Variants in CNTN4 observed in about 807,000 individuals in gnomAD.
The protein encoded by CNTN4 is contactin-4.
CNTN4 carries 77 observed loss-of-function variants against 122.5 expected under a neutral mutation model. The observed-to-expected ratio is 0.63, with a 90% CI of 0.52 to 0.76. CNTN4 has a LOEUF of 0.76. Among genes scored for constraint, CNTN4 ranks in the 30% least tolerant of loss-of-function variants. The probability of loss-of-function intolerance (pLI) is 0.00; values close to 1 mark genes in which losing one functional copy is unlikely to be tolerated. For synonymous variants in CNTN4, 512 were observed against 447.0 expected, an observed-to-expected ratio of 1.15 and a Z score of -1.83; for missense variants, 1,256 against 1,259.1, an observed-to-expected ratio of 1.00 and a Z score of 0.04.
intron 2 of CNTN4, among the ~76,000 whole-genome samples, chr3:2,117,435 T>C (rs1464745604): frequency 6.6e-6 from 1 of 152,182 alleles, no homozygotes; most frequent in Non-Finnish European, 1.5e-5. Flanking sequence ...TCCTTCTGCA[T>C]TTTTCTGGGA....
At chr3:2,301,702 G>A (rs1470496103) in intron 2 of CNTN4, among the ~76,000 whole-genome samples, 3 of 152,208 alleles carry the variant, frequency 2.0e-5, no homozygotes, top group African/African-American at 7.2e-5. Flanking sequence ...ACAGCAGTGT[G>A]AAGTCTGAGT....
Position 3,056,372 on chromosome 3 carries a change from A to T in CNTN4, c.*152A>T. The T allele has an allele frequency of 1.5e-6, 1 of 646,622 alleles. No individual in the cohort carries two copies. The highest frequency in any genetic ancestry group is 2.3e-5 in the Admixed American group (1 of 43,230). 40.1% of individuals were successfully genotyped at this position (646,622 alleles called of 1,614,324 possible). Reference sequence around the variant, plus strand: ...TGCTTCTTTAGGAATGGCATTATACAGTACTTCCTCAAAGCAAATCTAGCT... The same window carrying T: ...TGCTTCTTTAGGAATGGCATTATACTGTACTTCCTCAAAGCAAATCTAGCT... On this transcript the variant is annotated 3_prime_UTR_variant, in exon 25 of 25. Transcript: ENST00000418658.
chr3:2,860,534 C>A (rs1250080962), intron 7 of CNTN4, among the ~76,000 whole-genome samples: 1 of 152,150 alleles, frequency 6.6e-6, no homozygotes, highest in African/African-American at 2.4e-5. Flanking sequence ...GCAACCTAAG[C>A]TGCAAAGGGT....
chr3:2,269,614 C>A (rs79346805), intron 2 of CNTN4, among the ~76,000 whole-genome samples: 1 of 151,928 alleles, frequency 6.6e-6, no homozygotes, highest in Non-Finnish European at 1.5e-5. Flanking sequence ...GTTTGGGAGA[C>A]CATGATACAA....
intron 2 of CNTN4, among the ~76,000 whole-genome samples, chr3:2,219,489 C>T (rs1170975609): frequency 7.9e-5 from 12 of 152,208 alleles, no homozygotes; most frequent in Admixed American, 4.6e-4. Context: ...CAGGCCATTG[C>T]ATCCTTTTCC....
intron 2 of CNTN4, among the ~76,000 whole-genome samples, chr3:2,192,793 C>T (rs2149346992): frequency 6.6e-6 from 1 of 152,252 alleles, no homozygotes; most frequent in East Asian, 1.9e-4. Context: ...TCTAACTTTA[C>T]ACCAAAACCA....
intron 6 of CNTN4, among the ~76,000 whole-genome samples, chr3:2,769,232 G>C (rs1021633384): frequency 2.0e-5 from 3 of 152,092 alleles, no homozygotes; most frequent in African/African-American, 7.2e-5. Context: ...GGGAGGCCGA[G>C]GCGGGCAGAT....
chr3:3,048,786 G>T (rs1473075868), intron 23 of CNTN4, among the ~76,000 whole-genome samples: 3 of 152,144 alleles, frequency 2.0e-5, no homozygotes, highest in African/African-American at 4.8e-5. Context: ...ATGTTGGGGT[G>T]TGGGTTTATT....
At chr3:3,009,584 C>T (rs1369156294) in intron 14 of CNTN4, among the ~76,000 whole-genome samples, 2 of 85,202 alleles carry the variant, frequency 2.3e-5, no homozygotes, top group African/African-American at 8.5e-5. Flanking sequence ...CAGGCGCCCG[C>T]CACCACGCCC....
At chr3:2,182,380 A>G (rs558113054) in intron 2 of CNTN4, among the ~76,000 whole-genome samples, 1 of 152,242 alleles carries the variant, frequency 6.6e-6, no homozygotes, top group South Asian at 2.1e-4. Flanking sequence ...GAGATGATAT[A>G]AAGTTGTTGA....
At chr3:2,987,881 ATAAATATGCT>A (rs1694721594) in intron 13 of CNTN4, among the ~76,000 whole-genome samples, 1 of 152,230 alleles carries the variant, frequency 6.6e-6, no homozygotes, top group Admixed American at 6.5e-5. Flanking sequence ...TATTTCAGAA[ATAAATATGCT>A]TAATAATACC....
chr3:2,787,639 A>G (rs1042999484), intron 6 of CNTN4, among the ~76,000 whole-genome samples: 2 of 152,174 alleles, frequency 1.3e-5, no homozygotes, highest in Non-Finnish European at 2.9e-5. Context: ...CTTACCAGCT[A>G]TTTAACCACA....
rs527800941 is a variant in CNTN4, at chr3:2,571,347, G to C, written c.-88-69G>C. The C allele has an allele frequency of 9.4e-5, 63 of 670,858 alleles. No individual in the cohort carries two copies. In the East Asian group the frequency reaches 1.6e-3, roughly 17 times the overall value. The allele number at this position is 670,858 out of a possible 1,614,324, so 41.6% of individuals were successfully genotyped here. ...TGAGTTTTATTGATATTTGAGTAAAGATAAACTTGCAGAGACCACAAGGAG... is the reference window on the plus strand; with the variant it reads ...TGAGTTTTATTGATATTTGAGTAAACATAAACTTGCAGAGACCACAAGGAG... On this transcript the variant is annotated intron_variant, in intron 3 of 24. Coordinates refer to ENST00000418658, the MANE Select transcript of CNTN4 (RefSeq NM_175607.3).
intron 3 of CNTN4, among the ~76,000 whole-genome samples, chr3:2,536,912 T>C (rs2077831113): frequency 6.6e-6 from 1 of 152,088 alleles, no homozygotes; most frequent in African/African-American, 2.4e-5. Flanking sequence ...TGCTCGATCA[T>C]TGTGACTTTG....
intron 7 of CNTN4, among the ~76,000 whole-genome samples, chr3:2,853,022 T>A (rs2093571268): frequency 6.6e-6 from 1 of 152,178 alleles, no homozygotes; most frequent in Admixed American, 6.5e-5. Flanking sequence ...GGATAGGAAA[T>A]TAGTATACAA....
At chr3:2,260,090 G>A (rs1306323356) in intron 2 of CNTN4, among the ~76,000 whole-genome samples, 1 of 152,092 alleles carries the variant, frequency 6.6e-6, no homozygotes, top group Non-Finnish European at 1.5e-5. Context: ...GTATAATTTA[G>A]AGAGCACGTA....
Position 2,844,645 on chromosome 3 carries a change from ACT to A in CNTN4, c.455-22100_455-22099del, listed in dbSNP as rs2093424132. On this transcript the variant is annotated intron_variant, in intron 7 of 24. Transcript: ENST00000418658. ...ATCATACCTGCAAAATTCCACCATTACTCTCTCTTAATGGAATCAACTACAAT... is the reference window on the plus strand; with the variant it reads ...ATCATACCTGCAAAATTCCACCATTACTCTCTTAATGGAATCAACTACAAT... Among the ~76,000 whole-genome samples, 3 of 152,140 alleles carry A rather than the reference ACT, an allele frequency of 2.0e-5. No homozygotes were observed. The East Asian group carries it at 5.8e-4, about 29-fold the overall frequency.
intron 8 of CNTN4, among the ~76,000 whole-genome samples, chr3:2,867,902 C>G (rs1228808638): frequency 1.3e-5 from 2 of 152,138 alleles, no homozygotes; most frequent in South Asian, 4.2e-4. Context: ...CTCTGCTGCA[C>G]CTGGTTTCGC....
Position 2,760,919 on chromosome 3 carries a change from G to A in CNTN4, c.358+15222G>A, listed in dbSNP as rs757110611. On this transcript the variant is annotated intron_variant, in intron 6 of 24. Coordinates refer to ENST00000418658, the MANE Select transcript of CNTN4 (RefSeq NM_175607.3). ...CAAGAATGTTAGTGATTTCCTAACA[G>A]CAGTCACTATTTTACAGGCCAGGCA... Among the ~76,000 whole-genome samples the A allele has an allele frequency of 3.1e-4, 47 of 152,112 alleles. 1 individual carries two copies. Among genetic ancestry groups the A allele is most frequent in the Non-Finnish European group, 6.5e-4 (44 of 68,022 alleles).
Sources: allele counts gnomAD v4.1 joint callset (sites outside exome capture counted in the v4.1 genomes callset), GRCh38; gene constraint gnomAD v4.1.1; transcripts MANE v1.5; gene names NCBI Gene and HGNC (gene_info 2026-07-23, HGNC 2026-07-21).